Variants in PCSK5 observed in about 807,000 individuals in gnomAD.
The protein encoded by PCSK5 is proprotein convertase subtilisin/kexin type 5, also known as prohormone convertase 5.
A neutral mutation model predicts 233.2 loss-of-function variants in PCSK5; 129 were observed. That is an observed-to-expected ratio of 0.55 (90% CI 0.48 to 0.64). The LOEUF (loss-of-function observed/expected upper bound fraction) is 0.64, where lower values mean the gene tolerates loss of function less well. PCSK5 is among the 30% of genes least tolerant of loss of function. The pLI is 0.00. For synonymous variants in PCSK5, 825 were observed against 879.2 expected, an observed-to-expected ratio of 0.94 and a Z score of 1.09; for missense variants, 2,076 against 2,430.1, an observed-to-expected ratio of 0.85 and a Z score of 3.06.
At position 76,328,914 on chromosome 9, in the gene PCSK5, T is replaced by C. The variant is rs115637845; in HGVS notation, c.4570+675T>C. Among the ~76,000 whole-genome samples the C allele has an allele frequency of 3.7e-3, 555 of 151,688 alleles. 6 individuals carry two copies. Among genetic ancestry groups the C allele is most frequent in the African/African-American group, 0.013 (532 of 41,328 alleles). On this transcript the variant is annotated intron_variant, in intron 33 of 37. Coordinates refer to ENST00000674117, the MANE Select transcript of PCSK5 (RefSeq NM_001372043.1). ...ACCTCTGACTCCTGGGTTCAAGCAATTGTCATGCCTCAGTCTTCTGAGTAG... is the reference window on the plus strand; with the variant it reads ...ACCTCTGACTCCTGGGTTCAAGCAACTGTCATGCCTCAGTCTTCTGAGTAG...
chr9:76,177,388 C>T (rs1312119167), intron 14 of PCSK5, among the ~76,000 whole-genome samples: 1 of 152,108 alleles, frequency 6.6e-6, no homozygotes, highest in Non-Finnish European at 1.5e-5. Context: ...CTGAGGTTTT[C>T]CTCTAAATAC....
intron 1 of PCSK5, among the ~76,000 whole-genome samples, chr9:75,893,815 C>T (rs548590856): frequency 6.6e-6 from 1 of 152,130 alleles, no homozygotes; most frequent in African/African-American, 2.4e-5. Context: ...TACAGAGGAC[C>T]CCTTGAACCA....
chr9:75,927,831 G>C (rs778979434), intron 1 of PCSK5, among the ~76,000 whole-genome samples: 16 of 152,136 alleles, frequency 1.1e-4, no homozygotes, highest in Non-Finnish European at 2.1e-4. Context: ...GAAATTACAG[G>C]CTCTGTGAAC....
chr9:76,244,084 A>C (rs1826508843), intron 24 of PCSK5, among the ~76,000 whole-genome samples: 1 of 152,074 alleles, frequency 6.6e-6, no homozygotes, highest in Non-Finnish European at 1.5e-5. Context: ...AAACTAGCCA[A>C]GTGTGATGGC....
At chr9:76,246,048 G>A (rs1439273143) in intron 24 of PCSK5, among the ~76,000 whole-genome samples, 1 of 151,784 alleles carries the variant, frequency 6.6e-6, no homozygotes. Context: ...TTAAAACTGT[G>A]AGAGGCCTGG....
chr9:76,030,769 CT>C (rs79253371), intron 5 of PCSK5, among the ~76,000 whole-genome samples: 20,421 of 149,400 alleles, frequency 0.14, 1,578 homozygotes, highest in South Asian at 0.26. Context: ...TTTAAAACTG[CT>C]TTTTTTTTTC....
At chr9:75,983,968 A>G (rs145170918) in intron 2 of PCSK5, among the ~76,000 whole-genome samples, 3 of 152,226 alleles carry the variant, frequency 2.0e-5, no homozygotes, top group African/African-American at 7.2e-5. Flanking sequence ...GGCAAAATAC[A>G]TGGTATTTGA....
intron 20 of PCSK5, among the ~76,000 whole-genome samples, chr9:76,223,583 C>T (rs1825795949): frequency 6.6e-6 from 1 of 152,184 alleles, no homozygotes; most frequent in African/African-American, 2.4e-5. Flanking sequence ...TACACTTCCT[C>T]AGTGTCTTTG....
intron 8 of PCSK5, among the ~76,000 whole-genome samples, chr9:76,104,473 C>CA (rs1831896937): frequency 6.6e-6 from 1 of 152,170 alleles, no homozygotes; most frequent in Non-Finnish European, 1.5e-5. Flanking sequence ...GATGTGCCGA[C>CA]ATTAATAGCA....
Position 76,361,734 on chromosome 9 carries a change from T to G in PCSK5, c.*2812T>G, listed in dbSNP as rs549943523. ...AATAAATAACATTATCTCTTCAAAATGTATCTGAAGCCCTGATAGTTCTAC... is the reference window on the plus strand; with the variant it reads ...AATAAATAACATTATCTCTTCAAAAGGTATCTGAAGCCCTGATAGTTCTAC... On this transcript the variant is annotated 3_prime_UTR_variant, in exon 38 of 38. Transcript: ENST00000674117. 25 of 152,314 alleles carry G rather than the reference T, an allele frequency of 1.6e-4. No homozygotes were observed. The highest frequency in any genetic ancestry group is 5.8e-4 in the African/African-American group (24 of 41,572). 9.4% of individuals were successfully genotyped at this position (152,314 alleles called of 1,614,324 possible).
chr9:75,898,390 A>G (rs1825896194), intron 1 of PCSK5, among the ~76,000 whole-genome samples: 1 of 152,202 alleles, frequency 6.6e-6, no homozygotes, highest in African/African-American at 2.4e-5. Flanking sequence ...TAAGCAGCAA[A>G]GTTCATATGC....
intron 35 of PCSK5, among the ~76,000 whole-genome samples, chr9:76,350,418 T>A (rs1830090935): frequency 6.6e-6 from 1 of 152,234 alleles, no homozygotes; most frequent in African/African-American, 2.4e-5. Flanking sequence ...CCAAGTTTAG[T>A]GCCGTTTCTC....
rs141099315 is a variant in PCSK5, at chr9:76,350,744, T to A, written c.4967-84T>A. On this transcript the variant is annotated intron_variant, in intron 35 of 37. Coordinates refer to ENST00000674117, the MANE Select transcript of PCSK5 (RefSeq NM_001372043.1). ...CTTCTGCTTCAATTTACTTGACATA[T>A]TCCTTGTTCCTAAGTGTTCCGGAAC... 294 of 844,894 alleles carry A rather than the reference T, an allele frequency of 3.5e-4. 1 individual carries two copies. In the East Asian group the frequency reaches 4.6e-3, roughly 13 times the overall value. 52.3% of individuals were successfully genotyped at this position (844,894 alleles called of 1,614,324 possible).
chr9:76,184,662 T>C lies in PCSK5; in HGVS notation c.2198-11T>C, dbSNP rs755164448. 5.7e-6 allele frequency: 9 copies of C among 1,588,256 alleles called. No individual in the cohort carries two copies. Among genetic ancestry groups the C allele is most frequent in the Non-Finnish European group, 7.8e-6 (9 of 1,159,202 alleles). On this transcript the variant is annotated splice_polypyrimidine_tract_variant and intron_variant, in intron 16 of 37. Transcript: ENST00000674117. ...ACCAACTGATTTACAACTTTCTCTTTTTTTTAACAGAGAAAAATCTTTGCC... is the reference window on the plus strand; with the variant it reads ...ACCAACTGATTTACAACTTTCTCTTCTTTTTAACAGAGAAAAATCTTTGCC...
At chr9:75,900,065 A>G (rs777290805) in intron 1 of PCSK5, among the ~76,000 whole-genome samples, 18 of 152,158 alleles carry the variant, frequency 1.2e-4, no homozygotes, top group Non-Finnish European at 1.5e-4. Context: ...ACGGAGTACA[A>G]CAGTTTTTCA....
intron 20 of PCSK5, among the ~76,000 whole-genome samples, chr9:76,202,652 TA>T (rs1225273112): frequency 6.6e-5 from 10 of 152,086 alleles, no homozygotes; most frequent in Admixed American, 5.2e-4. Flanking sequence ...CCCCCTCCTT[TA>T]ATGTTATCTC....
At chr9:75,992,368 C>T (rs1042238786) in intron 3 of PCSK5, among the ~76,000 whole-genome samples, 10 of 152,300 alleles carry the variant, frequency 6.6e-5, no homozygotes, top group African/African-American at 2.4e-4. Context: ...TGGAATTCAA[C>T]AGTTGGGCTA....
chr9:76,358,995 T>C lies in PCSK5; in HGVS notation c.*73T>C. ...GTGAGCATCACTGTTTTTGGTTTTA[T>C]CCCCACACCAGGCTGATGTGTGAGT... On this transcript the variant is annotated 3_prime_UTR_variant, in exon 38 of 38. Transcript: ENST00000674117. 7.8e-7 allele frequency: 1 copy of C among 1,286,308 alleles called. No individual in the cohort carries two copies. The highest frequency in any genetic ancestry group is 2.3e-5 in the East Asian group (1 of 42,870). 79.7% of individuals were successfully genotyped at this position (1,286,308 alleles called of 1,614,324 possible). A position where few individuals can be genotyped will look rare whatever the true frequency, so the allele number is the denominator to read the frequency against.
intron 22 of PCSK5, among the ~76,000 whole-genome samples, chr9:76,236,718 A>G (rs1826262174): frequency 6.6e-6 from 1 of 152,172 alleles, no homozygotes; most frequent in South Asian, 2.1e-4. Flanking sequence ...CTCCCTTTGT[A>G]GGTCTATGTA....
Sources: gnomAD v4.1 joint callset for allele counts (sites outside exome capture counted in the v4.1 genomes callset) on GRCh38, gnomAD v4.1.1 for gene constraint, MANE v1.5 for transcripts, NCBI Gene and HGNC (gene_info 2026-07-23, HGNC 2026-07-21) for gene names.